The following TSN variants were observed in gnomAD, a reference collection of about 807,000 sequenced individuals.
TSN encodes the protein component 3 of promoter of RISC.
Under a neutral mutation model 29.4 loss-of-function variants are expected in TSN, and 5 were observed. That is an observed-to-expected ratio of 0.17 (90% CI 0.09 to 0.36). The LOEUF (loss-of-function observed/expected upper bound fraction) is 0.36. Among genes scored for constraint, TSN ranks in the 10% least tolerant of loss-of-function variants. TSN has a pLI of 1.00. For missense variants in TSN, 159 were observed against 272.8 expected (o/e 0.58, Z 2.94); for synonymous variants, 106 against 102.2 (o/e 1.04, Z -0.23).
intron 4 of TSN, among the ~76,000 whole-genome samples, chr2:121,762,710 G>T (rs75906695): frequency 1.3e-5 from 2 of 152,018 alleles, no homozygotes; most frequent in Non-Finnish European, 2.9e-5. Context: ...TGCAAATATC[G>T]TAACTCCTTT....
Position 121,767,089 on chromosome 2 carries a change from T to C in TSN, c.*1722T>C, listed in dbSNP as rs1158253242. The C allele has an allele frequency of 6.6e-6, 1 of 151,798 alleles. No individual in the cohort carries two copies. Among genetic ancestry groups the C allele is most frequent in the East Asian group, 1.9e-4 (1 of 5,196 alleles). The allele number at this position is 151,798 out of a possible 1,614,324, so 9.4% of individuals were successfully genotyped here. On this transcript the variant is annotated 3_prime_UTR_variant, in exon 6 of 6. Transcript: ENST00000389682. ...GATAATAGTTTTTTCTTTTAACCTC[T>C]TTAAGTATTGATTCTGCTTGAGAAT...
intron 5 of TSN, among the ~76,000 whole-genome samples, chr2:121,763,304 G>A (rs559306417): frequency 1.0e-3 from 153 of 152,034 alleles, no homozygotes; most frequent in Non-Finnish European, 1.7e-3. Context: ...CACCACACCC[G>A]GCTAATTTTT....
At chr2:121,759,390 C>T (rs2074789962) in intron 3 of TSN, among the ~76,000 whole-genome samples, 1 of 152,116 alleles carries the variant, frequency 6.6e-6, no homozygotes, top group South Asian at 2.1e-4. Context: ...GGGCAGATCA[C>T]CTGAGGTCAG....
Position 121,763,026 on chromosome 2 carries a change from G to A in TSN, c.395G>A (p.Gly132Glu), listed in dbSNP as rs1311905529. 6.2e-7 allele frequency: 1 copy of A among 1,609,420 alleles called. No individual in the cohort carries two copies. Among genetic ancestry groups the A allele is most frequent in the Non-Finnish European group, 8.5e-7 (1 of 1,178,414 alleles). Residue 132 changes from glycine to glutamate, a missense_variant, in exon 5 of 6, where the codon GGA becomes GAA. By Grantham distance (98) the Gly-to-Glu change is moderately conservative. Around this residue, in one of 3 missense-constraint regions of TSN, gnomAD observed 85 missense variants for 178.1 expected, o/e 0.48. Transcript: ENST00000389682. Reference protein sequence around the residue: ...ILGIEPDREKGFHLDVEDYLS... With the variant: ...ILGIEPDREKEFHLDVEDYLS... ...TTAGTTGAGCCAGATCGGGAGAAAGGATTTCATCTGGATGTAGAAGATTAT... is the reference window on the plus strand; with the variant it reads ...TTAGTTGAGCCAGATCGGGAGAAAGAATTTCATCTGGATGTAGAAGATTAT...
At chr2:121,761,811 A>C (rs545723860) in intron 4 of TSN, among the ~76,000 whole-genome samples, 4 of 148,672 alleles carry the variant, frequency 2.7e-5, no homozygotes, top group Non-Finnish European at 5.9e-5. Flanking sequence ...AATACAGTAT[A>C]AGTGCTATGT....
In TSN at chr2:121,755,756, G is replaced by A. The variant is rs1169687636; in HGVS notation, c.-24G>A. On this transcript the variant is annotated 5_prime_UTR_variant, in exon 1 of 6. Transcript: ENST00000389682. Reference sequence around the variant, plus strand: ...TTCCTTGGCCGCCCTTGCTACACTGGCTGATTGTTGTGCAGCCGGCGCCAT... The same window carrying A: ...TTCCTTGGCCGCCCTTGCTACACTGACTGATTGTTGTGCAGCCGGCGCCAT... 3 of 1,612,644 alleles carry A rather than the reference G, an allele frequency of 1.9e-6. No individual in the cohort carries two copies. The highest frequency in any genetic ancestry group is 2.5e-6 in the Non-Finnish European group (3 of 1,180,008).
At chr2:121,761,646 G>A in intron 4 of TSN, 122 bp downstream of exon 4, 3 of 729,610 alleles carry the variant, frequency 4.1e-6, no homozygotes, top group Non-Finnish European at 7.1e-6. Context: ...ACTTATAGTT[G>A]TAGCTTGGTA....
rs545121539 is a variant in TSN, at chr2:121,765,416, G to C, written c.*49G>C. 15 of 1,578,402 alleles carry C rather than the reference G, an allele frequency of 9.5e-6. No homozygotes were observed. The African/African-American group carries it at 1.8e-4, about 18-fold the overall frequency. On this transcript the variant is annotated 3_prime_UTR_variant, in exon 6 of 6. Transcript: ENST00000389682. ...TGCTGACCTCAGCGGTTGCCAGGAA[G>C]GGGTGAGCACAGAGTGCCTCTTACG... is the stretch of plus-strand genomic sequence containing the variant.
At chr2:121,757,433 T>C in intron 2 of TSN, 100 bp downstream of exon 2, 3 of 1,571,828 alleles carry the variant, frequency 1.9e-6, no homozygotes, top group Non-Finnish European at 2.6e-6. Flanking sequence ...TCATGCTTTA[T>C]GGTGAGTAAA....
rs186993039 is a variant in TSN, at chr2:121,767,549, T to G, written c.*2182T>G. 6.6e-6 allele frequency: 1 copy of G among 152,182 alleles called. No homozygotes were observed. Among genetic ancestry groups the G allele is most frequent in the African/African-American group, 2.4e-5 (1 of 41,554 alleles). The allele number at this position is 152,182 out of a possible 1,614,324, so 9.4% of individuals were successfully genotyped here. On this transcript the variant is annotated 3_prime_UTR_variant, in exon 6 of 6. Coordinates refer to ENST00000389682, the MANE Select transcript of TSN (RefSeq NM_004622.3). ...CTGGTTTTAGTATACCGGAATTACT[T>G]TTTTCCAATTTTAGAAAATCAAGCA...
rs1336420371 is a variant in TSN, at chr2:121,766,278, CT to C, written c.*914del. The C allele has an allele frequency of 2.0e-5, 3 of 152,148 alleles. No individual in the cohort carries two copies. Among genetic ancestry groups the C allele is most frequent in the African/African-American group, 7.2e-5 (3 of 41,428 alleles). The allele number at this position is 152,148 out of a possible 1,614,324, so 9.4% of individuals were successfully genotyped here. ...TATGTTGTTAGAGAAAAATGCTTTGCTTTGTCTGGAAGAAAGATAAAATAGT... is the reference window on the plus strand; with the variant it reads ...TATGTTGTTAGAGAAAAATGCTTTGCTTGTCTGGAAGAAAGATAAAATAGT... On this transcript the variant is annotated 3_prime_UTR_variant, in exon 6 of 6. Coordinates refer to ENST00000389682, the MANE Select transcript of TSN (RefSeq NM_004622.3).
Position 121,766,516 on chromosome 2 carries a change from T to C in TSN, c.*1149T>C, listed in dbSNP as rs2074903583. 1 of 152,140 alleles carries C rather than the reference T, an allele frequency of 6.6e-6. No individual in the cohort carries two copies. The highest frequency in any genetic ancestry group is 1.5e-5 in the Non-Finnish European group (1 of 68,036). 9.4% of individuals were successfully genotyped at this position (152,140 alleles called of 1,614,324 possible). A position where few individuals can be genotyped will look rare whatever the true frequency, so the allele number is the denominator to read the frequency against. ...GTAATGTGTTTTAGAGTAAGAAATT[T>C]CAGGTTGTTGGTGACTATCCCAACA... On this transcript the variant is annotated 3_prime_UTR_variant, in exon 6 of 6. Transcript: ENST00000389682.
At chr2:121,756,870 C>CT (rs898149643) in intron 1 of TSN, among the ~76,000 whole-genome samples, 138 of 150,080 alleles carry the variant, frequency 9.2e-4, no homozygotes, top group Non-Finnish European at 5.0e-4. Flanking sequence ...GATCGCGCCA[C>CT]TGCACTCCAG....
rs2074903722 is a variant in TSN at position 121,766,523 on chromosome 2, G to C, written c.*1156G>C. ...GTTTTAGAGTAAGAAATTTCAGGTTGTTGGTGACTATCCCAACAGTCATGT... is the reference window on the plus strand; with the variant it reads ...GTTTTAGAGTAAGAAATTTCAGGTTCTTGGTGACTATCCCAACAGTCATGT... On this transcript the variant is annotated 3_prime_UTR_variant, in exon 6 of 6. Transcript: ENST00000389682. 6.6e-6 allele frequency: 1 copy of C among 152,196 alleles called. No individual in the cohort carries two copies. Among genetic ancestry groups the C allele is most frequent in the Admixed American group, 6.5e-5 (1 of 15,282 alleles). 9.4% of individuals were successfully genotyped at this position (152,196 alleles called of 1,614,324 possible).
chr2:121,767,322 A>G lies in TSN; in HGVS notation c.*1955A>G, dbSNP rs546436434. On this transcript the variant is annotated 3_prime_UTR_variant, in exon 6 of 6. Coordinates refer to ENST00000389682, the MANE Select transcript of TSN (RefSeq NM_004622.3). ...AGTGTGCTGCTGTAAGAAATCTCCC[A>G]TGTGCATAACAAATTCTGAATATTT... The G allele has an allele frequency of 3.9e-5, 6 of 152,224 alleles. No individual in the cohort carries two copies. Among genetic ancestry groups the G allele is most frequent in the Non-Finnish European group, 7.3e-5 (5 of 68,030 alleles). The allele number at this position is 152,224 out of a possible 1,614,324, so 9.4% of individuals were successfully genotyped here.
Position 121,765,406 on chromosome 2 carries a change from T to C in TSN, c.*39T>C, listed in dbSNP as rs766178085. 6 of 1,602,704 alleles carry C rather than the reference T, an allele frequency of 3.7e-6. No homozygotes were observed. The highest frequency in any genetic ancestry group is 5.1e-6 in the Non-Finnish European group (6 of 1,170,480). ...CTCCTGGCCTTGCTGACCTCAGCGG[T>C]TGCCAGGAAGGGGTGAGCACAGAGT... On this transcript the variant is annotated 3_prime_UTR_variant, in exon 6 of 6. Coordinates refer to ENST00000389682, the MANE Select transcript of TSN (RefSeq NM_004622.3).
intron 3 of TSN, among the ~76,000 whole-genome samples, chr2:121,759,225 C>A (rs966400274): frequency 3.3e-5 from 5 of 152,114 alleles, no homozygotes; most frequent in Admixed American, 6.5e-5. Flanking sequence ...TATTTTATGC[C>A]ATGTTTTCTT....
intron 5 of TSN, among the ~76,000 whole-genome samples, chr2:121,763,287 C>G (rs570392733): frequency 3.9e-5 from 6 of 152,052 alleles, no homozygotes; most frequent in South Asian, 2.1e-4. Flanking sequence ...GGACTACAGG[C>G]GCCCGCCACC....
At chr2:121,759,421 A>G (rs1373656137) in intron 3 of TSN, among the ~76,000 whole-genome samples, 1 of 152,124 alleles carries the variant, frequency 6.6e-6, no homozygotes, top group Non-Finnish European at 1.5e-5. Flanking sequence ...CAGCCTGGCT[A>G]GCATGGCGAA....
Sources: gnomAD v4.1 joint callset for allele counts (sites outside exome capture counted in the v4.1 genomes callset) on GRCh38, gnomAD v4.1.1 for gene constraint, gnomAD v4.1.1 regional missense constraint, MANE v1.5 for transcripts, NCBI Gene and HGNC (gene_info 2026-07-23, HGNC 2026-07-21) for gene names.